The following RHOJ variants were observed in gnomAD, a reference collection of about 807,000 sequenced individuals.
RHOJ encodes the protein rho-related GTP-binding protein RhoJ.
RHOJ carries 11 observed loss-of-function variants against 23.4 expected under a neutral mutation model. The ratio of observed to expected loss-of-function variants is 0.47; its 90% CI spans 0.30 to 0.78. The LOEUF (loss-of-function observed/expected upper bound fraction) is 0.78, where lower values mean the gene tolerates loss of function less well. Ranked by LOEUF, RHOJ falls within the 30% of genes least tolerant of loss-of-function variation. RHOJ has a pLI of 0.08. For missense variants in RHOJ, 254 were observed against 273.4 expected (o/e 0.93, Z 0.50); for synonymous variants, 102 against 102.7 (o/e 0.99, Z 0.04).
chr14:63,222,012 G>C (rs569230207), intron 1 of RHOJ, among the ~76,000 whole-genome samples: 22 of 127,062 alleles, frequency 1.7e-4, no homozygotes, highest in African/African-American at 6.8e-4. Flanking sequence ...TGTGATGTTC[G>C]CCTTCCTGTG....
chr14:63,274,286 C>CTCCAAATT (rs1881644520), intron 2 of RHOJ, among the ~76,000 whole-genome samples: 1 of 152,190 alleles, frequency 6.6e-6, no homozygotes. Context: ...CAATGAGCAA[C>CTCCAAATT]TCCAAATTTC....
chr14:63,247,683 T>C (rs939815898), intron 1 of RHOJ, among the ~76,000 whole-genome samples: 3 of 152,204 alleles, frequency 2.0e-5, no homozygotes, highest in Admixed American at 2.0e-4. Flanking sequence ...TAGGATCTGT[T>C]TTGCCTTCTT....
chr14:63,287,516 A>T (rs140123647), intron 4 of RHOJ, among the ~76,000 whole-genome samples: 1 of 151,846 alleles, frequency 6.6e-6, no homozygotes, highest in Non-Finnish European at 1.5e-5. Context: ...GTTACTTTCT[A>T]TCTTATTCTA....
intron 2 of RHOJ, among the ~76,000 whole-genome samples, chr14:63,270,372 C>A (rs1344657384): frequency 6.6e-6 from 1 of 152,146 alleles, no homozygotes; most frequent in African/African-American, 2.4e-5. Context: ...TAGCACCAGA[C>A]TCAAAGCTTC....
rs774264762 is a variant in RHOJ at position 63,291,049 on chromosome 14, C to T, written c.*25C>T. ...AGGTTGTCTGGGACCTGCCTCCACC[C>T]CATCCAGGGATGAGAATGGCAGCCA... is the stretch of plus-strand genomic sequence containing the variant. On this transcript the variant is annotated 3_prime_UTR_variant, in exon 5 of 5. Coordinates refer to ENST00000316754, the MANE Select transcript of RHOJ (RefSeq NM_020663.5). 6.2e-6 allele frequency: 10 copies of T among 1,613,226 alleles called. No homozygotes were observed. In the South Asian group the frequency reaches 6.6e-5, roughly 11 times the overall value.
At chr14:63,263,529 A>G (rs1161838842) in intron 1 of RHOJ, among the ~76,000 whole-genome samples, 2 of 152,196 alleles carry the variant, frequency 1.3e-5, no homozygotes, top group Non-Finnish European at 2.9e-5. Flanking sequence ...AGAGAATAAA[A>G]GGGCCGAGAA....
intron 1 of RHOJ, among the ~76,000 whole-genome samples, chr14:63,227,167 G>A (rs551532190): frequency 6.7e-4 from 102 of 152,260 alleles, no homozygotes; most frequent in Non-Finnish European, 1.2e-3. Context: ...GGCCAGGCTG[G>A]TCTCGAACTC....
chr14:63,230,688 T>A (rs1482552127), intron 1 of RHOJ, among the ~76,000 whole-genome samples: 2 of 126,794 alleles, frequency 1.6e-5, no homozygotes, highest in African/African-American at 7.8e-5. Flanking sequence ...TGCACACACA[T>A]ATGTACACAC....
At chr14:63,276,221 G>A (rs948816866) in intron 2 of RHOJ, among the ~76,000 whole-genome samples, 2 of 151,954 alleles carry the variant, frequency 1.3e-5, no homozygotes, top group Non-Finnish European at 2.9e-5. Flanking sequence ...GGGGGGGGGC[G>A]GGGGCTGCGT....
intron 1 of RHOJ, among the ~76,000 whole-genome samples, chr14:63,229,685 A>G (rs370271635): frequency 6.6e-6 from 1 of 152,026 alleles, no homozygotes; most frequent in African/African-American, 2.4e-5. Flanking sequence ...TAAATATCTA[A>G]TTTTCCCTTC....
At chr14:63,278,744 G>A (rs560212016) in intron 2 of RHOJ, among the ~76,000 whole-genome samples, 7 of 152,212 alleles carry the variant, frequency 4.6e-5, no homozygotes, top group African/African-American at 1.7e-4. Context: ...GCACTTTGGC[G>A]GGGGCTGAGG....
intron 2 of RHOJ, among the ~76,000 whole-genome samples, chr14:63,271,461 A>AT (rs1895467687): frequency 6.6e-6 from 1 of 152,204 alleles, no homozygotes; most frequent in Non-Finnish European, 1.5e-5. Flanking sequence ...TAGAACAGTG[A>AT]TTCTCAAACT....
At chr14:63,283,035 G>A in intron 3 of RHOJ, 86 bp from the exon 4 acceptor site, 1 of 1,080,194 alleles carries the variant, frequency 9.3e-7, no homozygotes, top group Admixed American at 2.0e-5. Context: ...ATGTTAACAG[G>A]GAAAAAGACT....
At chr14:63,256,721 C>T (rs535851386) in intron 1 of RHOJ, among the ~76,000 whole-genome samples, 4 of 152,122 alleles carry the variant, frequency 2.6e-5, no homozygotes, top group Non-Finnish European at 5.9e-5. Flanking sequence ...AGGCAGATCA[C>T]GAGGTCGGGA....
At chr14:63,269,619 G>T (rs556531938) in intron 2 of RHOJ, among the ~76,000 whole-genome samples, 33 of 152,216 alleles carry the variant, frequency 2.2e-4, no homozygotes, top group African/African-American at 7.0e-4. Flanking sequence ...GAGGGGAGGA[G>T]AGAGGGAGAA....
At chr14:63,231,699 C>G (rs1894698817) in intron 1 of RHOJ, among the ~76,000 whole-genome samples, 1 of 152,134 alleles carries the variant, frequency 6.6e-6, no homozygotes, top group Non-Finnish European at 1.5e-5. Flanking sequence ...ACTTATTTCA[C>G]CTAAAACTTA....
chr14:63,228,654 T>C (rs1594756764), intron 1 of RHOJ, among the ~76,000 whole-genome samples: 1 of 148,190 alleles, frequency 6.7e-6, no homozygotes, highest in Non-Finnish European at 1.5e-5. Flanking sequence ...GAAAACAGAA[T>C]AGAAACACAA....
rs909810580 is a variant in RHOJ at position 63,291,990 on chromosome 14, T to C, written c.*966T>C. 1 of 152,230 alleles carries C rather than the reference T, an allele frequency of 6.6e-6. No individual in the cohort carries two copies. Among genetic ancestry groups the C allele is most frequent in the Non-Finnish European group, 1.5e-5 (1 of 68,046 alleles). The allele number at this position is 152,230 out of a possible 1,614,324, so 9.4% of individuals were successfully genotyped here. A position where few individuals can be genotyped will look rare whatever the true frequency, so the allele number is the denominator to read the frequency against. On this transcript the variant is annotated 3_prime_UTR_variant, in exon 5 of 5. Coordinates refer to ENST00000316754, the MANE Select transcript of RHOJ (RefSeq NM_020663.5). ...TGCCCTCTTCCTCCCTTGATTTCAC[T>C]TTCTCTCATGCCCGGATCCTTTTAT... is the stretch of plus-strand genomic sequence containing the variant.
intron 2 of RHOJ, among the ~76,000 whole-genome samples, chr14:63,273,390 G>C (rs955791207): frequency 6.6e-6 from 1 of 152,204 alleles, no homozygotes; most frequent in Admixed American, 6.5e-5. Flanking sequence ...GGGATATCTA[G>C]AGCTCAGATC....
Sources: allele counts gnomAD v4.1 joint callset (sites outside exome capture counted in the v4.1 genomes callset), GRCh38; gene constraint gnomAD v4.1.1; transcripts MANE v1.5; gene names NCBI Gene and HGNC (gene_info 2026-07-23, HGNC 2026-07-21).